Variants in C8orf34 observed in about 807,000 individuals in gnomAD.
The protein encoded by C8orf34 is uncharacterized protein C8orf34.
C8orf34 carries 65 observed loss-of-function variants against 68.3 expected under a neutral mutation model. The ratio of observed to expected loss-of-function variants is 0.95; its 90% confidence interval spans 0.78 to 1.17. The LOEUF is 1.17. Ranked by LOEUF, C8orf34 falls within the 50% of genes most tolerant of loss-of-function variation. The pLI is 0.00. For synonymous variants in C8orf34, 244 were observed against 241.2 expected, an observed-to-expected ratio of 1.01 and a Z score of -0.11; for missense variants, 664 against 655.4, an observed-to-expected ratio of 1.01 and a Z score of -0.14.
rs557563310 is a variant in C8orf34, at chr8:68,616,450, C to T, written c.1106-23926C>T. ...TTAGTGCTATAAATTTCCCTATACA[C>T]ACTGCTTTGAATGTGTCCCAGAGAT... On this transcript the variant is annotated intron_variant, in intron 7 of 13. Coordinates refer to ENST00000518698, the MANE Select transcript of C8orf34 (RefSeq NM_052958.4). Among the ~76,000 whole-genome samples, 10 of 152,306 alleles carry T rather than the reference C, an allele frequency of 6.6e-5. No homozygotes were observed. The South Asian group carries it at 2.1e-3, about 32-fold the overall frequency.
Position 68,330,971 on chromosome 8 carries a change from C to T in C8orf34, c.-42C>T. 1 of 1,335,350 alleles carries T rather than the reference C, an allele frequency of 7.5e-7. No homozygotes were observed. Among genetic ancestry groups the T allele is most frequent in the Non-Finnish European group, 9.6e-7 (1 of 1,037,506 alleles). The allele number at this position is 1,335,350 out of a possible 1,614,324, so 82.7% of individuals were successfully genotyped here. A position where few individuals can be genotyped will look rare whatever the true frequency, so the allele number is the denominator to read the frequency against. On this transcript the variant is annotated 5_prime_UTR_variant, in exon 1 of 14. Coordinates refer to ENST00000518698, the MANE Select transcript of C8orf34 (RefSeq NM_052958.4). The stretch of plus-strand genomic sequence containing the variant: ...AATTTCCCCACTGCGCCGGGCGCTG[C>T]GGAGAGCGGCGAGGGTGGGCGCGAG...
At chr8:68,537,433 A>G (rs549914255) in intron 7 of C8orf34, among the ~76,000 whole-genome samples, 1 of 151,864 alleles carries the variant, frequency 6.6e-6, no homozygotes, top group Non-Finnish European at 1.5e-5. Flanking sequence ...AAGATTATTC[A>G]TAAGAAATCT....
intron 8 of C8orf34, among the ~76,000 whole-genome samples, chr8:68,692,759 C>T (rs1334287674): frequency 2.0e-5 from 3 of 152,058 alleles, no homozygotes; most frequent in Non-Finnish European, 4.4e-5. Context: ...GTGTATCTGT[C>T]TTGCTACTAG....
rs1178074793 is a variant in C8orf34 at position 68,521,907 on chromosome 8, C to T, written c.874C>T (p.Pro292Ser). The change falls in exon 6 of 14, where the codon CCA becomes TCA. Residue 292 changes from proline to serine, a missense_variant. By Grantham distance (74) the Pro-to-Ser change is moderately conservative. Transcript: ENST00000518698. ...DPLAAEMLQP[P>S]IPRSKNDQWE... is the part of the protein sequence containing the mutation. Reference sequence around the variant, plus strand: ...CCTAGCTGCTGAAATGCTACAGCCTCCAATTCCAAGAAGCAAAAATGACCA... The same window carrying T: ...CCTAGCTGCTGAAATGCTACAGCCTTCAATTCCAAGAAGCAAAAATGACCA... 1.2e-6 allele frequency: 2 copies of T among 1,613,948 alleles called. No homozygotes were observed. Among genetic ancestry groups the T allele is most frequent in the Non-Finnish European group, 1.7e-6 (2 of 1,180,006 alleles).
At chr8:68,592,470 T>C (rs1817419232) in intron 7 of C8orf34, among the ~76,000 whole-genome samples, 1 of 152,066 alleles carries the variant, frequency 6.6e-6, no homozygotes, top group Admixed American at 6.5e-5. Flanking sequence ...TTTTGAGTTT[T>C]ATAAGTTAAT....
chr8:68,478,439 C>T (rs192601001), intron 4 of C8orf34, among the ~76,000 whole-genome samples: 98 of 152,296 alleles, frequency 6.4e-4, no homozygotes, highest in African/African-American at 2.2e-3. Flanking sequence ...CCACATCTTC[C>T]TATCTTCTTC....
chr8:68,623,118 A>G (rs1338151885), intron 7 of C8orf34, among the ~76,000 whole-genome samples: 1 of 152,220 alleles, frequency 6.6e-6, no homozygotes, highest in African/African-American at 2.4e-5. Flanking sequence ...TAACTTGATC[A>G]GATTAAACTC....
At chr8:68,643,920 C>G (rs372628963) in intron 8 of C8orf34, among the ~76,000 whole-genome samples, 3 of 152,194 alleles carry the variant, frequency 2.0e-5, no homozygotes, top group African/African-American at 7.2e-5. Flanking sequence ...TCCTCCTGCT[C>G]TAGACTCTGA....
chr8:68,367,907 G>GAAA (rs1807360133), intron 1 of C8orf34, among the ~76,000 whole-genome samples: 1 of 15,034 alleles, frequency 6.7e-5, no homozygotes, highest in African/African-American at 2.6e-4. Context: ...AATAAAAAAA[G>GAAA]AAAAGAAAAA....
At chr8:68,801,572 A>G (rs1359358632) in intron 12 of C8orf34, among the ~76,000 whole-genome samples, 1 of 152,188 alleles carries the variant, frequency 6.6e-6, no homozygotes, top group Non-Finnish European at 1.5e-5. Context: ...TTCAATTCAT[A>G]CTGTCATACT....
At chr8:68,471,710 A>G (rs1812384587) in intron 4 of C8orf34, among the ~76,000 whole-genome samples, 1 of 152,070 alleles carries the variant, frequency 6.6e-6, no homozygotes, top group South Asian at 2.1e-4. Flanking sequence ...CAGTGGCATA[A>G]TCATTGATGC....
chr8:68,597,470 T>C (rs548893966), intron 7 of C8orf34, among the ~76,000 whole-genome samples: 9 of 152,266 alleles, frequency 5.9e-5, no homozygotes, highest in African/African-American at 1.9e-4. Flanking sequence ...GCATGAACTT[T>C]ACATTGAAAA....
intron 8 of C8orf34, among the ~76,000 whole-genome samples, chr8:68,660,377 G>A (rs988199905): frequency 3.9e-5 from 6 of 152,162 alleles, no homozygotes; most frequent in African/African-American, 9.7e-5. Context: ...AAGTCCCAGA[G>A]GCCTCAGCAG....
chr8:68,441,133 G>A (rs750350967), intron 2 of C8orf34, among the ~76,000 whole-genome samples: 3 of 150,950 alleles, frequency 2.0e-5, no homozygotes, highest in Non-Finnish European at 4.5e-5. Flanking sequence ...CACACATTAA[G>A]TACCTCAGTG....
intron 7 of C8orf34, chr8:68,535,473 T>C: frequency 2.1e-6 from 2 of 966,336 alleles, no homozygotes; most frequent in South Asian, 9.6e-5. Context: ...GACATTAATA[T>C]AAAAAAGGAT....
intron 7 of C8orf34, among the ~76,000 whole-genome samples, chr8:68,619,900 AT>A (rs763123822): frequency 8.5e-5 from 13 of 152,184 alleles, no homozygotes; most frequent in Non-Finnish European, 1.8e-4. Flanking sequence ...AAAAGACAAA[AT>A]TAGGTCACAG....
chr8:68,806,453 G>A (rs10086703), intron 12 of C8orf34, among the ~76,000 whole-genome samples: 1,569 of 151,986 alleles, frequency 0.01, 23 homozygotes, highest in African/African-American at 0.036. Flanking sequence ...CTTTCAGCAC[G>A]TCAAAGATAT....
At chr8:68,420,932 C>T (rs140027273) in intron 1 of C8orf34, among the ~76,000 whole-genome samples, 3 of 149,520 alleles carry the variant, frequency 2.0e-5, no homozygotes, top group African/African-American at 7.3e-5. Context: ...AAGTCTAATG[C>T]AGTAAGAAAA....
At chr8:68,351,266 T>G (rs149925653) in intron 1 of C8orf34, among the ~76,000 whole-genome samples, 3 of 152,092 alleles carry the variant, frequency 2.0e-5, no homozygotes, top group Admixed American at 6.6e-5. Context: ...ATTTTTTCTT[T>G]AAGAATGTTG....
Sources: allele counts gnomAD v4.1 joint callset (sites outside exome capture counted in the v4.1 genomes callset), GRCh38; gene constraint gnomAD v4.1.1; transcripts MANE v1.5; gene names NCBI Gene and HGNC (gene_info 2026-07-23, HGNC 2026-07-21).